Variants in PTPRD observed in about 807,000 individuals in gnomAD.
PTPRD encodes the protein protein tyrosine phosphatase receptor type D.
A neutral mutation model predicts 214.5 loss-of-function variants in PTPRD; 34 were observed. The observed-to-expected ratio is 0.16, with a 90% CI of 0.12 to 0.21. The LOEUF is 0.21. Among genes scored for constraint, PTPRD ranks in the 10% least tolerant of loss-of-function variants. PTPRD has a pLI of 1.00. For synonymous variants in PTPRD, 1,128 were observed against 845.7 expected, an observed-to-expected ratio of 1.33 and a Z score of -5.79; for missense variants, 2,545 against 2,398.7, an observed-to-expected ratio of 1.06 and a Z score of -1.27.
intron 14 of PTPRD, among the ~76,000 whole-genome samples, chr9:8,569,681 TA>T (rs536536299): frequency 1.4e-4 from 22 of 152,192 alleles, no homozygotes; most frequent in Admixed American, 3.3e-4. Context: ...ATAACATCCT[TA>T]AGAAAAGAGA....
rs184943668 is a variant in PTPRD at position 8,587,003 on chromosome 9, C to T, written c.352+46314G>A. On this transcript the variant is annotated intron_variant, in intron 14 of 45. Coordinates refer to ENST00000381196, the MANE Select transcript of PTPRD (RefSeq NM_002839.4). ...TCTACTAAAAATACAAAAAATTATGCGGGCATGGTGGTGGCGGGTGCCTGT... is the reference window on the plus strand; with the variant it reads ...TCTACTAAAAATACAAAAAATTATGTGGGCATGGTGGTGGCGGGTGCCTGT... Among the ~76,000 whole-genome samples, 357 of 151,918 alleles carry T rather than the reference C, an allele frequency of 2.3e-3. 1 individual carries two copies. The highest frequency in any genetic ancestry group is 8.2e-3 in the African/African-American group (341 of 41,446).
intron 2 of PTPRD, among the ~76,000 whole-genome samples, chr9:10,483,510 A>AT (rs2099113676): frequency 6.6e-6 from 1 of 152,116 alleles, no homozygotes; most frequent in African/African-American, 2.4e-5. Flanking sequence ...ATGAAAAAAA[A>AT]AATTGTCAAC....
At chr9:10,311,418 C>T (rs886450579) in intron 3 of PTPRD, among the ~76,000 whole-genome samples, 18 of 151,990 alleles carry the variant, frequency 1.2e-4, no homozygotes, top group African/African-American at 4.1e-4. Flanking sequence ...TTAGTTTTGG[C>T]TTCGCTACTC....
At chr9:9,258,355 C>T (rs959517163) in intron 9 of PTPRD, among the ~76,000 whole-genome samples, 3 of 151,712 alleles carry the variant, frequency 2.0e-5, no homozygotes, top group African/African-American at 7.3e-5. Flanking sequence ...ACATTTAGAG[C>T]TGGCTATTAT....
chr9:10,573,053 C>G (rs561736052), intron 2 of PTPRD, among the ~76,000 whole-genome samples: 2 of 152,162 alleles, frequency 1.3e-5, no homozygotes, highest in Non-Finnish European at 2.9e-5. Flanking sequence ...TGAAATTTGA[C>G]AGGATCTGGG....
chr9:10,097,212 G>C (rs184963641), intron 3 of PTPRD, among the ~76,000 whole-genome samples: 19,056 of 137,540 alleles, frequency 0.14, 1,592 homozygotes, highest in Middle Eastern at 0.24. Flanking sequence ...GATTGACTTG[G>C]TAATGCGGGC....
chr9:8,597,981 C>T (rs1182841897), intron 14 of PTPRD, among the ~76,000 whole-genome samples: 1 of 152,044 alleles, frequency 6.6e-6, no homozygotes, highest in East Asian at 1.9e-4. Flanking sequence ...ACTTTTTATG[C>T]CATCTATAAA....
intron 4 of PTPRD, among the ~76,000 whole-genome samples, chr9:9,984,349 G>A (rs994300883): frequency 1.3e-5 from 2 of 152,126 alleles, no homozygotes; most frequent in Non-Finnish European, 2.9e-5. Context: ...AGTAGCCACA[G>A]AAGGACAAAT....
chr9:10,054,960 T>C (rs1249875133), intron 3 of PTPRD, among the ~76,000 whole-genome samples: 1 of 151,962 alleles, frequency 6.6e-6, no homozygotes, highest in African/African-American at 2.4e-5. Context: ...TGGGTCTTCA[T>C]CATGGGATTC....
At chr9:8,625,680 G>A (rs1595557757) in intron 14 of PTPRD, among the ~76,000 whole-genome samples, 1 of 151,476 alleles carries the variant, frequency 6.6e-6, no homozygotes, top group Admixed American at 6.6e-5. Flanking sequence ...AAAATCTACT[G>A]TGTTAAAGGG....
At chr9:9,504,060 T>C (rs547339944) in intron 8 of PTPRD, among the ~76,000 whole-genome samples, 24 of 151,870 alleles carry the variant, frequency 1.6e-4, no homozygotes, top group Admixed American at 1.3e-3. Context: ...ATAGTTACCA[T>C]GGCAAGGGTA....
At chr9:9,887,111 G>C (rs780836150) in intron 5 of PTPRD, among the ~76,000 whole-genome samples, 8 of 152,082 alleles carry the variant, frequency 5.3e-5, no homozygotes, top group Non-Finnish European at 2.9e-5. Flanking sequence ...TGGAAACACA[G>C]TGACTTACAC....
rs2094065401 is a variant in PTPRD at position 8,417,946 on chromosome 9, G to C, written c.4087-13286C>G. On this transcript the variant is annotated intron_variant, in intron 35 of 45. Transcript: ENST00000381196. ...AAATGTTTTGGGGTGATTTGTTTTT[G>C]AATGCCTATTGCACTCTGTGTCTAC... 1.3e-5 allele frequency among the ~76,000 whole-genome samples: 2 copies of C among 152,104 alleles called. 1 individual carries two copies. Among genetic ancestry groups the C allele is most frequent in the South Asian group, 4.1e-4 (2 of 4,826 alleles).
At chr9:8,535,256 T>C (rs2076648310) in intron 14 of PTPRD, among the ~76,000 whole-genome samples, 1 of 151,878 alleles carries the variant, frequency 6.6e-6, no homozygotes, top group African/African-American at 2.4e-5. Context: ...TAAGGCTTGA[T>C]CAAACAAGTA....
chr9:8,801,272 A>G (rs1421437395), intron 11 of PTPRD, among the ~76,000 whole-genome samples: 1 of 152,202 alleles, frequency 6.6e-6, no homozygotes, highest in African/African-American at 2.4e-5. Flanking sequence ...TATAGTTAAT[A>G]AACTTCCCTT....
chr9:10,505,866 A>G (rs563959717), intron 2 of PTPRD, among the ~76,000 whole-genome samples: 1 of 89,210 alleles, frequency 1.1e-5, no homozygotes, highest in African/African-American at 3.9e-5. Context: ...CTTAAATTTT[A>G]AGCAATATTT....
chr9:10,276,217 CA>C (rs2094681402), intron 3 of PTPRD, among the ~76,000 whole-genome samples: 1 of 152,158 alleles, frequency 6.6e-6, no homozygotes, highest in Non-Finnish European at 1.5e-5. Context: ...GGCCTTAATC[CA>C]GCCATTGCTT....
Position 9,292,793 on chromosome 9 carries a change from G to C in PTPRD, c.-203+104656C>G, listed in dbSNP as rs1006566965. ...TTGAAGATCTTGACAGATTTGAGGAGTACTGATCAGGCATTATATAGAATG... is the reference window on the plus strand; with the variant it reads ...TTGAAGATCTTGACAGATTTGAGGACTACTGATCAGGCATTATATAGAATG... On this transcript the variant is annotated intron_variant, in intron 9 of 45. Transcript: ENST00000381196. Among the ~76,000 whole-genome samples, 3 of 151,284 alleles carry C rather than the reference G, an allele frequency of 2.0e-5. No individual in the cohort carries two copies. In the South Asian group the frequency reaches 6.2e-4, roughly 31 times the overall value.
At chr9:8,673,860 C>T (rs982313325) in intron 12 of PTPRD, among the ~76,000 whole-genome samples, 3 of 152,100 alleles carry the variant, frequency 2.0e-5, no homozygotes, top group Admixed American at 6.6e-5. Flanking sequence ...GACATTGGGG[C>T]TGTCCTGTGC....
Sources: gnomAD v4.1 joint callset for allele counts (sites outside exome capture counted in the v4.1 genomes callset) on GRCh38, gnomAD v4.1.1 for gene constraint, MANE v1.5 for transcripts, NCBI Gene and HGNC (gene_info 2026-07-23, HGNC 2026-07-21) for gene names.